Variants in SLC3A1 observed in about 807,000 individuals in gnomAD.
SLC3A1 encodes the protein amino acid transporter heavy chain SLC3A1.
Under a neutral mutation model 60.3 loss-of-function variants are expected in SLC3A1, and 78 were observed. That is an observed-to-expected ratio of 1.29 (90% CI 1.08 to 1.56). The LOEUF (loss-of-function observed/expected upper bound fraction) is 1.56. SLC3A1 is among the 40% of genes most tolerant of loss of function. The pLI, the probability that SLC3A1 is intolerant of heterozygous loss-of-function variation, is 0.00. For synonymous variants in SLC3A1, 392 were observed against 307.9 expected, an observed-to-expected ratio of 1.27 and a Z score of -2.86; for missense variants, 1,172 against 858.9, an observed-to-expected ratio of 1.36 and a Z score of -4.56.
chr2:44,313,500 C>T (rs1249744881), intron 8 of SLC3A1, among the ~76,000 whole-genome samples: 2 of 152,318 alleles, frequency 1.3e-5, no homozygotes, highest in Admixed American at 6.5e-5. Context: ...TTCACCAACA[C>T]TGTACCATAG....
At chr2:44,304,812 AAT>A (rs1491117827) in intron 7 of SLC3A1, among the ~76,000 whole-genome samples, 50 of 114,522 alleles carry the variant, frequency 4.4e-4, no homozygotes, top group Non-Finnish European at 8.7e-4. Context: ...TCTTGAAAAC[AAT>A]TTTTTTTTTT....
chr2:44,307,402 T>C (rs1221589221), intron 7 of SLC3A1, among the ~76,000 whole-genome samples: 1 of 152,192 alleles, frequency 6.6e-6, no homozygotes. Flanking sequence ...ATTTAACTAT[T>C]TGAGGAACTG....
At chr2:44,288,297 A>T (rs907400532) in intron 4 of SLC3A1, among the ~76,000 whole-genome samples, 6 of 152,104 alleles carry the variant, frequency 3.9e-5, no homozygotes, top group Non-Finnish European at 7.4e-5. Context: ...AAATGCTGGG[A>T]TTACAGGTAT....
At chr2:44,313,722 A>T in intron 8 of SLC3A1, 113 bp from the exon 9 acceptor site, 1 of 930,464 alleles carries the variant, frequency 1.1e-6, no homozygotes, top group Non-Finnish European at 1.8e-6. Context: ...TAATGAGTAC[A>T]AACACTAGCT....
chr2:44,314,655 A>G (rs1371055388), intron 9 of SLC3A1: 2 of 153,114 alleles, frequency 1.3e-5, no homozygotes, highest in African/African-American at 4.8e-5. Flanking sequence ...ACTCCCCAGG[A>G]TATTCAGATA....
At chr2:44,295,485 T>G (rs566324213) in intron 4 of SLC3A1, among the ~76,000 whole-genome samples, 38 of 152,288 alleles carry the variant, frequency 2.5e-4, no homozygotes, top group Non-Finnish European at 4.4e-4. Flanking sequence ...CCCTCCTGGT[T>G]GAGAGAATAA....
In SLC3A1 at chr2:44,320,583, G is replaced by A; in HGVS notation, c.2002G>A (p.Val668Ile). ...RQTAFRDRCF[V>I]SNRACYSSVL... is the part of the protein sequence containing the mutation. The stretch of plus-strand genomic sequence containing the variant: ...AACAGCTTTCAGAGATAGATGCTTT[G>A]TTTCCAATCGAGCATGCTATTCCAG... Residue 668 changes from valine to isoleucine, a missense_variant, in exon 10 of 10, where the codon GTT (valine) becomes ATT (isoleucine). Coordinates refer to ENST00000260649, the MANE Select transcript of SLC3A1 (RefSeq NM_000341.4). 1 of 1,614,018 alleles carries A rather than the reference G, an allele frequency of 6.2e-7. No homozygotes were observed.
At chr2:44,281,608 G>A in intron 3 of SLC3A1, 67 bp downstream of exon 3, 1 of 1,466,964 alleles carries the variant, frequency 6.8e-7, no homozygotes. Flanking sequence ...AACTGATTTA[G>A]TAAAACCCTT....
At chr2:44,285,671 C>G in intron 3 of SLC3A1, 1 of 491,020 alleles carries the variant, frequency 2.0e-6, no homozygotes, top group South Asian at 1.5e-5. Flanking sequence ...TCCAAATTGA[C>G]TACCATTTTG....
At chr2:44,304,710 A>T (rs557508414) in intron 7 of SLC3A1, among the ~76,000 whole-genome samples, 2 of 152,280 alleles carry the variant, frequency 1.3e-5, no homozygotes, top group Non-Finnish European at 2.9e-5. Flanking sequence ...AACTGTGACA[A>T]AACACCAATT....
chr2:44,308,633 G>T (rs1427941033), intron 7 of SLC3A1, among the ~76,000 whole-genome samples: 7 of 152,060 alleles, frequency 4.6e-5, no homozygotes, highest in African/African-American at 1.4e-4. Context: ...CATTATTAGT[G>T]TATAGAAATA....
intron 4 of SLC3A1, among the ~76,000 whole-genome samples, chr2:44,290,585 G>A (rs1671720239): frequency 6.6e-6 from 1 of 151,534 alleles, no homozygotes; most frequent in Non-Finnish European, 1.5e-5. Flanking sequence ...TTATTTACGT[G>A]TTCTTTCATT....
chr2:44,281,403 C>T lies in SLC3A1; in HGVS notation c.627C>T (p.Ile209=), dbSNP rs574520486. ...ACTCATTAGGTTTAAAATTAATCAT[C>T]GATTTCATACCAAACCACACGAGTG... ...AIHDKGLKLI[I]DFIPNHTSDK... The change falls in exon 3 of 10, where the codon ATC becomes ATT. Residue 209 remains isoleucine (I), a synonymous_variant. Coordinates refer to ENST00000260649, the MANE Select transcript of SLC3A1 (RefSeq NM_000341.4). 14 of 1,612,772 alleles carry T rather than the reference C, an allele frequency of 8.7e-6. No homozygotes were observed. In the South Asian group the frequency reaches 1.1e-4, roughly 13 times the overall value.
intron 9 of SLC3A1, chr2:44,319,876 T>C (rs948750976): frequency 3.5e-6 from 1 of 287,712 alleles, no homozygotes; most frequent in Non-Finnish European, 6.6e-6. Context: ...ACTATGCAAG[T>C]TAAATATTCA....
chr2:44,303,654 A>T (rs1672075484), intron 6 of SLC3A1, among the ~76,000 whole-genome samples: 1 of 152,052 alleles, frequency 6.6e-6, no homozygotes, highest in Non-Finnish European at 1.5e-5. Flanking sequence ...ATAGGTATAC[A>T]TGTGCCATGT....
intron 1 of SLC3A1, among the ~76,000 whole-genome samples, chr2:44,278,327 A>G (rs1671398188): frequency 6.6e-6 from 1 of 152,102 alleles, no homozygotes; most frequent in Non-Finnish European, 1.5e-5. Flanking sequence ...GGGTGCCTGT[A>G]TTCCCAGCTA....
At chr2:44,318,150 G>T (rs1364782819) in intron 9 of SLC3A1, 1 of 441,762 alleles carries the variant, frequency 2.3e-6, no homozygotes, top group South Asian at 1.6e-5. Flanking sequence ...GAGTGCAGTG[G>T]CGTGATCTCG....
chr2:44,293,362 C>T (rs190531329), intron 4 of SLC3A1, among the ~76,000 whole-genome samples: 2 of 152,120 alleles, frequency 1.3e-5, no homozygotes, highest in African/African-American at 4.8e-5. Context: ...CCTAAAAATA[C>T]AAAAATTAGC....
intron 7 of SLC3A1, among the ~76,000 whole-genome samples, chr2:44,311,646 C>A (rs1318316269): frequency 6.6e-6 from 1 of 150,638 alleles, no homozygotes; most frequent in Non-Finnish European, 1.5e-5. Context: ...ATTTTCTGGC[C>A]ATAAACATAG....
Sources: gnomAD v4.1 joint callset for allele counts (sites outside exome capture counted in the v4.1 genomes callset) on GRCh38, gnomAD v4.1.1 for gene constraint, MANE v1.5 for transcripts, NCBI Gene and HGNC (gene_info 2026-07-23, HGNC 2026-07-21) for gene names.